The following STXBP6 variants were observed in gnomAD, a reference collection of about 807,000 sequenced individuals.
The protein encoded by STXBP6 is syntaxin binding protein 6, also known as syntaxin-binding protein 6.
Under a neutral mutation model 26.9 loss-of-function variants are expected in STXBP6, and 21 were observed. The ratio of observed to expected loss-of-function variants is 0.78; its 90% CI spans 0.55 to 1.12. The LOEUF (loss-of-function observed/expected upper bound fraction) is 1.12, where lower values mean the gene tolerates loss of function less well. Among genes scored for constraint, STXBP6 ranks in the 50% most tolerant of loss-of-function variants. The pLI is 0.00. For missense variants in STXBP6, 232 were observed against 257.9 expected (o/e 0.90, Z 0.69); for synonymous variants, 97 against 92.6 (o/e 1.05, Z -0.27).
chr14:25,022,461 C>T (rs1183243506), intron 1 of STXBP6, among the ~76,000 whole-genome samples: 3 of 152,182 alleles, frequency 2.0e-5, no homozygotes, highest in Non-Finnish European at 4.4e-5. Context: ...GAATGATTGG[C>T]TCACCCTGGG....
At position 24,849,303 on chromosome 14, in the gene STXBP6, CTG is replaced by C. The variant is rs368035776; in HGVS notation, c.451+6631_451+6632del. On this transcript the variant is annotated intron_variant, in intron 4 of 5. Transcript: ENST00000323944. ...TGGAGTGATGGAAGAGTGGCTAAGT[CTG>C]TGTGTGTACATGATTAATATAATTA... Among the ~76,000 whole-genome samples, 35 of 152,150 alleles carry C rather than the reference CTG, an allele frequency of 2.3e-4. No homozygotes were observed. The East Asian group carries it at 5.2e-3, about 23-fold the overall frequency.
intron 5 of STXBP6, chr14:24,817,982 T>A: frequency 2.2e-6 from 1 of 451,796 alleles, no homozygotes; most frequent in Non-Finnish European, 4.5e-6. Context: ...AGCGTGAGCC[T>A]CCAGAAGAGG....
rs572174955 is a variant in STXBP6 at position 24,894,929 on chromosome 14, T to A, written c.155-37772A>T. On this transcript the variant is annotated intron_variant, in intron 2 of 5. Coordinates refer to ENST00000323944, the MANE Select transcript of STXBP6 (RefSeq NM_001394410.1). ...TAATGCTCAGGAAAATTTCTCTAGC[T>A]CCTTCCATATCATATCCCACTGGTT... Among the ~76,000 whole-genome samples, 3 of 152,052 alleles carry A rather than the reference T, an allele frequency of 2.0e-5. No homozygotes were observed. In the East Asian group the frequency reaches 5.8e-4, roughly 29 times the overall value.
intron 2 of STXBP6, among the ~76,000 whole-genome samples, chr14:24,887,401 A>G (rs1430527618): frequency 1.3e-5 from 2 of 152,194 alleles, no homozygotes; most frequent in African/African-American, 2.4e-5. Flanking sequence ...TCTCATAGCA[A>G]AGATGAAAAG....
In STXBP6 at chr14:25,023,213, G is replaced by A. The variant is rs949538608; in HGVS notation, c.-33+26665C>T. ...ACTTGGTAGAATTTTATCCTATTAG[G>A]TGTAATATCAAATGGGAGTCTACTT... On this transcript the variant is annotated intron_variant, in intron 1 of 5. Transcript: ENST00000323944. Among the ~76,000 whole-genome samples, 7 of 151,258 alleles carry A rather than the reference G, an allele frequency of 4.6e-5. No individual in the cohort carries two copies. The South Asian group carries it at 8.3e-4, about 18-fold the overall frequency.
chr14:25,044,258 A>G (rs761006738), intron 1 of STXBP6, among the ~76,000 whole-genome samples: 13 of 150,794 alleles, frequency 8.6e-5, no homozygotes, highest in African/African-American at 2.9e-4. Flanking sequence ...TTGTGTATCT[A>G]TCTTGGAGGG....
chr14:24,857,292 A>G (rs2069372553), intron 2 of STXBP6, 135 bp from the exon 3 acceptor site: 1 of 1,104,090 alleles, frequency 9.1e-7, no homozygotes, highest in Non-Finnish European at 1.3e-6. Context: ...AAAGGAGGGA[A>G]TATGAATAAA....
chr14:24,964,647 CTGTGTGTGTGTGTGTG>C, intron 2 of STXBP6, among the ~76,000 whole-genome samples: 1 of 140,128 alleles, frequency 7.1e-6, no homozygotes, highest in East Asian at 2.1e-4. Context: ...AGTTCTCATT[CTGTGTGTGTGTGTGTG>C]TGTGTGTGTG....
rs146639617 is a variant in STXBP6, at chr14:25,047,688, G to A, written c.-33+2190C>T. 3.7e-3 allele frequency among the ~76,000 whole-genome samples: 565 copies of A among 152,318 alleles called. 3 individuals are homozygous for A. Among genetic ancestry groups the A allele is most frequent in the African/African-American group, 0.012 (509 of 41,572 alleles). ...TGAGAACCACTGCCCTAAGATTAGG[G>A]AAGATGCTGCACCTGGGGTGGCTCA... On this transcript the variant is annotated intron_variant, in intron 1 of 5. Coordinates refer to ENST00000323944, the MANE Select transcript of STXBP6 (RefSeq NM_001394410.1).
chr14:24,981,606 C>T (rs1390612503), intron 1 of STXBP6, among the ~76,000 whole-genome samples: 2 of 152,166 alleles, frequency 1.3e-5, no homozygotes, highest in Non-Finnish European at 2.9e-5. Context: ...ATTTTTAACA[C>T]ACCCAATTGG....
chr14:24,897,490 A>G (rs2071041302), intron 2 of STXBP6, among the ~76,000 whole-genome samples: 1 of 151,936 alleles, frequency 6.6e-6, no homozygotes, highest in South Asian at 2.1e-4. Context: ...ATCTATCATG[A>G]AATGAAGTCA....
chr14:25,030,363 G>C (rs1221554770), intron 1 of STXBP6, among the ~76,000 whole-genome samples: 1 of 152,190 alleles, frequency 6.6e-6, no homozygotes, highest in Non-Finnish European at 1.5e-5. Flanking sequence ...CAACTCACCA[G>C]GAGAGCCTGG....
intron 4 of STXBP6, among the ~76,000 whole-genome samples, chr14:24,849,440 G>A (rs2069072936): frequency 6.6e-6 from 1 of 152,110 alleles, no homozygotes; most frequent in Non-Finnish European, 1.5e-5. Context: ...TGGATATAAG[G>A]AAAAGAAGAC....
chr14:24,889,575 T>TTA (rs35902359), intron 2 of STXBP6, among the ~76,000 whole-genome samples: 17 of 147,380 alleles, frequency 1.2e-4, no homozygotes, highest in East Asian at 2.0e-4. Flanking sequence ...AATAATAAAA[T>TTA]AAAAAAAGAA....
intron 2 of STXBP6, among the ~76,000 whole-genome samples, chr14:24,889,747 A>C (rs2070727087): frequency 6.6e-6 from 1 of 152,214 alleles, no homozygotes; most frequent in Non-Finnish European, 1.5e-5. Context: ...AAGTAAAAAG[A>C]AATTAGAAGA....
chr14:24,832,520 T>G (rs1326032719), intron 4 of STXBP6, among the ~76,000 whole-genome samples: 1 of 152,172 alleles, frequency 6.6e-6, no homozygotes, highest in African/African-American at 2.4e-5. Flanking sequence ...TGATACAAAA[T>G]CCCAATGGGT....
At chr14:24,921,909 T>G (rs2071992616) in intron 2 of STXBP6, among the ~76,000 whole-genome samples, 1 of 152,100 alleles carries the variant, frequency 6.6e-6, no homozygotes, top group African/African-American at 2.4e-5. Context: ...TGGGTCCCTG[T>G]GCTCCTTACT....
intron 2 of STXBP6, among the ~76,000 whole-genome samples, chr14:24,889,146 C>G (rs753682109): frequency 2.0e-5 from 3 of 151,848 alleles, no homozygotes; most frequent in Non-Finnish European, 4.4e-5. Flanking sequence ...CTCAGGGTTT[C>G]TAATTGACTT....
intron 2 of STXBP6, among the ~76,000 whole-genome samples, chr14:24,859,122 T>A (rs1383351484): frequency 6.6e-6 from 1 of 152,156 alleles, no homozygotes; most frequent in Non-Finnish European, 1.5e-5. Flanking sequence ...TAAGTTCCAT[T>A]GAAAGTTTGT....
Sources: allele counts gnomAD v4.1 joint callset (sites outside exome capture counted in the v4.1 genomes callset), GRCh38; gene constraint gnomAD v4.1.1; transcripts MANE v1.5; gene names NCBI Gene and HGNC (gene_info 2026-07-23, HGNC 2026-07-21).